Variants in ASB5 observed in about 807,000 individuals in gnomAD.
The protein encoded by ASB5 is ankyrin repeat and SOCS box protein 5.
In ASB5, 45 loss-of-function variants were observed where a neutral mutation model predicts 42.1. That is an observed-to-expected ratio of 1.07 (90% CI 0.84 to 1.37). ASB5 has a LOEUF of 1.37. Ranked by LOEUF, ASB5 falls within the 40% of genes most tolerant of loss-of-function variation. The pLI, the probability that ASB5 is intolerant of heterozygous loss-of-function variation, is 0.00. For synonymous variants in ASB5, 147 were observed against 150.6 expected (o/e 0.98, Z 0.18); for missense variants, 402 against 399.8 (o/e 1.01, Z -0.05).
rs570095603 is a variant in ASB5 at position 176,220,695 on chromosome 4, A to C, written c.670+460T>G. 3.3e-5 allele frequency among the ~76,000 whole-genome samples: 5 copies of C among 152,334 alleles called. No individual in the cohort carries two copies. The South Asian group carries it at 1.0e-3, about 32-fold the overall frequency. Reference sequence around the variant, plus strand: ...AAGTCTTTTCAAGTAAGCAGGACAGAAAGTACAAAGTCTAGAAAAGTGCAT... The same window carrying C: ...AAGTCTTTTCAAGTAAGCAGGACAGCAAGTACAAAGTCTAGAAAAGTGCAT... On this transcript the variant is annotated intron_variant, in intron 5 of 6. Coordinates refer to ENST00000296525, the MANE Select transcript of ASB5 (RefSeq NM_080874.4).
intron 1 of ASB5, among the ~76,000 whole-genome samples, chr4:176,252,598 G>A (rs1406619972): frequency 6.6e-6 from 1 of 152,168 alleles, no homozygotes. Context: ...AGTTTGTTTA[G>A]GCTGTCATGA....
At chr4:176,257,737 G>A (rs1386393567) in intron 1 of ASB5, among the ~76,000 whole-genome samples, 1 of 152,174 alleles carries the variant, frequency 6.6e-6, no homozygotes. Context: ...TCATGCACAC[G>A]AGGCTTTGAT....
rs1475021066 is a variant in ASB5 at position 176,221,612 on chromosome 4, C to T, written c.385-12G>A. ...GTGATTGCATTTACCTAAACCAAAC[C>T]AAAATATCCAAACATAAGATTCATA... On this transcript the variant is annotated splice_polypyrimidine_tract_variant and intron_variant, in intron 3 of 6. Coordinates refer to ENST00000296525, the MANE Select transcript of ASB5 (RefSeq NM_080874.4). 8.8e-6 allele frequency: 14 copies of T among 1,584,210 alleles called. No individual in the cohort carries two copies. The highest frequency in any genetic ancestry group is 1.1e-5 in the Non-Finnish European group (13 of 1,159,020).
At chr4:176,217,616 T>C (rs762039199) in intron 5 of ASB5, among the ~76,000 whole-genome samples, 2 of 152,120 alleles carry the variant, frequency 1.3e-5, no homozygotes, top group Admixed American at 6.6e-5. Context: ...TGATGATATC[T>C]GCATGAAAGG....
chr4:176,236,355 G>A (rs563048186), intron 1 of ASB5, among the ~76,000 whole-genome samples: 3 of 152,154 alleles, frequency 2.0e-5, no homozygotes, highest in African/African-American at 4.8e-5. Context: ...GCTGCTCCCC[G>A]CCTCTAGCAC....
Position 176,221,491 on chromosome 4 carries a change from T to C in ASB5, c.494A>G (p.Glu165Gly). The change falls in exon 4 of 7, where the codon GAG becomes GGG. Residue 165 changes from glutamate to glycine, a missense_variant. Physicochemically the swap from Glu to Gly is moderately conservative, Grantham distance 98. Transcript: ENST00000296525. ...LLEYGAKAQL[E>G]SCLPSPTHEA... ...ATGCGTTGGGGATGGAAGACATGAC[T>C]CCAGCTGGGCTTTGGCACCATACTC... 1 of 1,614,154 alleles carries C rather than the reference T, an allele frequency of 6.2e-7. No homozygotes were observed. Among genetic ancestry groups the C allele is most frequent in the Non-Finnish European group, 8.5e-7 (1 of 1,180,024 alleles).
At chr4:176,268,344 G>A (rs1429171793) in intron 1 of ASB5, among the ~76,000 whole-genome samples, 2 of 152,098 alleles carry the variant, frequency 1.3e-5, no homozygotes, top group Admixed American at 1.3e-4. Flanking sequence ...TACAAACTGA[G>A]CTGAGCAGTA....
Position 176,254,110 on chromosome 4 carries a change from C to T in ASB5, c.196+14803G>A, listed in dbSNP as rs1302589396. ...CAAAAAAGAGCCTGAAGAGCCACAA[C>T]AATCCTAAGCAAACAGAACAAAGCC... On this transcript the variant is annotated intron_variant, in intron 1 of 6. Coordinates refer to ENST00000296525, the MANE Select transcript of ASB5 (RefSeq NM_080874.4). Among the ~76,000 whole-genome samples, 6 of 152,234 alleles carry T rather than the reference C, an allele frequency of 3.9e-5. No homozygotes were observed. The South Asian group carries it at 1.2e-3, about 32-fold the overall frequency.
rs537947476 is a variant in ASB5, at chr4:176,245,682, T to C, written c.197-20341A>G. Among the ~76,000 whole-genome samples, 1,221 of 152,106 alleles carry C rather than the reference T, an allele frequency of 8.0e-3. 12 individuals are homozygous for C. Among genetic ancestry groups the C allele is most frequent in the African/African-American group, 0.028 (1,147 of 41,462 alleles). On this transcript the variant is annotated intron_variant, in intron 1 of 6. Coordinates refer to ENST00000296525, the MANE Select transcript of ASB5 (RefSeq NM_080874.4). ...TCAATGACAGACTGGATTAAGAAAA[T>C]GTGGCACATATACACCATGGAATAC...
At chr4:176,248,139 A>AT (rs546343266) in intron 1 of ASB5, among the ~76,000 whole-genome samples, 250 of 152,136 alleles carry the variant, frequency 1.6e-3, no homozygotes, top group Non-Finnish European at 3.0e-3. Context: ...TTATCTTTTC[A>AT]TTTTTTTGAG....
chr4:176,222,237 A>C, intron 3 of ASB5, 76 bp downstream of exon 3: 1 of 1,345,722 alleles, frequency 7.4e-7, no homozygotes. Flanking sequence ...TGAAGGAAAG[A>C]AAAGTAAAAT....
chr4:176,267,625 A>C (rs139786307), intron 1 of ASB5, among the ~76,000 whole-genome samples: 1 of 152,294 alleles, frequency 6.6e-6, no homozygotes, highest in Non-Finnish European at 1.5e-5. Context: ...AGTCTCCATA[A>C]ATGTATAAAA....
chr4:176,219,575 G>GATAT (rs71597433), intron 5 of ASB5, among the ~76,000 whole-genome samples: 3 of 6,002 alleles, frequency 5.0e-4, no homozygotes, highest in Non-Finnish European at 6.3e-4. Flanking sequence ...ATATTTGTAT[G>GATAT]ATATATATAT....
rs756073723 is a variant in ASB5 at position 176,222,387 on chromosome 4, C to T, written c.310G>A (p.Val104Ile). ...AGGCAGGCTTCGTGCAATGGGGTGA[C>T]ATGGTCTAAGGTTACTGCATTTACA... ...YNVNAVTLDH[V>I]TPLHEACLGD... The change falls in exon 3 of 7, where the codon GTC becomes ATC. Residue 104 changes from valine (V) to isoleucine (I), a missense_variant. By Grantham distance (29) the Val-to-Ile change is conservative. Coordinates refer to ENST00000296525, the MANE Select transcript of ASB5 (RefSeq NM_080874.4). The T allele has an allele frequency of 6.2e-7, 1 of 1,613,836 alleles. No individual in the cohort carries two copies. Among genetic ancestry groups the T allele is most frequent in the Non-Finnish European group, 8.5e-7 (1 of 1,179,926 alleles).
intron 6 of ASB5, 79 bp downstream of exon 6, chr4:176,216,739 C>T (rs1470870927): frequency 7.3e-6 from 9 of 1,225,856 alleles, no homozygotes; most frequent in Non-Finnish European, 1.0e-5. Context: ...CTTTCCATGC[C>T]AACAAAAACT....
chr4:176,254,714 A>G (rs1754118900), intron 1 of ASB5, among the ~76,000 whole-genome samples: 1 of 152,192 alleles, frequency 6.6e-6, no homozygotes, highest in African/African-American at 2.4e-5. Flanking sequence ...CAAAAAACAA[A>G]TAACCTCATT....
At position 176,269,083 on chromosome 4, in the gene ASB5, G is replaced by A. The variant is rs1754420619; in HGVS notation, c.26C>T (p.Pro9Leu). 1.9e-6 allele frequency: 3 copies of A among 1,609,900 alleles called. No individual in the cohort carries two copies. The highest frequency in any genetic ancestry group is 2.5e-6 in the Non-Finnish European group (3 of 1,177,920). The change falls in exon 1 of 7, where the codon CCG (proline) becomes CTG (leucine). Residue 9 changes from proline to leucine, a missense_variant. Transcript: ENST00000296525. ...GACATTGGATAATTGTTGAGCAAAC[G>A]GCCGATTTTCTTCTAACACCGACAT... MSVLEENR[P>L]FAQQLSNVYF...
rs149224494 is a variant in ASB5 at position 176,221,489 on chromosome 4, A to T, written c.496T>A (p.Ser166Thr). 4 of 1,613,540 alleles carry T rather than the reference A, an allele frequency of 2.5e-6. No homozygotes were observed. In the African/African-American group the frequency reaches 5.4e-5, roughly 22 times the overall value. ...TCATGCGTTGGGGATGGAAGACATGACTCCAGCTGGGCTTTGGCACCATAC... is the reference window on the plus strand; with the variant it reads ...TCATGCGTTGGGGATGGAAGACATGTCTCCAGCTGGGCTTTGGCACCATAC... ...LEYGAKAQLE[S>T]CLPSPTHEAA... The change falls in exon 4 of 7, where the codon TCA becomes ACA. Residue 166 changes from serine to threonine, a missense_variant. Transcript: ENST00000296525.
intron 1 of ASB5, among the ~76,000 whole-genome samples, chr4:176,253,906 A>G (rs1754095237): frequency 6.6e-6 from 1 of 152,218 alleles, no homozygotes; most frequent in African/African-American, 2.4e-5. Context: ...TGTAAAAGTC[A>G]TCATAGATGA....
Sources: allele counts gnomAD v4.1 joint callset (sites outside exome capture counted in the v4.1 genomes callset), GRCh38; gene constraint gnomAD v4.1.1; transcripts MANE v1.5; gene names NCBI Gene and HGNC (gene_info 2026-07-23, HGNC 2026-07-21).